RANBP17: variants seen among roughly 807,000 people sequenced by gnomAD.
The protein encoded by RANBP17 is RAN binding protein 17.
In RANBP17, 158 loss-of-function variants were observed where a neutral mutation model predicts 141.2. That is an observed-to-expected ratio of 1.12 (90% CI 0.98 to 1.28). The LOEUF (loss-of-function observed/expected upper bound fraction) is 1.28. Among genes scored for constraint, RANBP17 ranks in the 50% most tolerant of loss-of-function variants. The pLI, the probability that RANBP17 is intolerant of heterozygous loss-of-function variation, is 0.00. For missense variants in RANBP17, 1,438 were observed against 1,290.7 expected (o/e 1.11, Z -1.75); for synonymous variants, 430 against 450.0 (o/e 0.96, Z 0.56).
chr5:171,008,270 G>A (rs1434892014), intron 14 of RANBP17, among the ~76,000 whole-genome samples: 1 of 152,190 alleles, frequency 6.6e-6, no homozygotes, highest in Non-Finnish European at 1.5e-5. Context: ...TGAAAAGACC[G>A]CTTACTCGAA....
At chr5:171,176,121 C>T (rs1760469367) in intron 16 of RANBP17, among the ~76,000 whole-genome samples, 2 of 152,110 alleles carry the variant, frequency 1.3e-5, no homozygotes, top group African/African-American at 4.8e-5. Flanking sequence ...AAGATTATCC[C>T]CTTAAGTTCC....
chr5:170,897,398 G>A (rs1376700513), intron 5 of RANBP17: 1 of 416,896 alleles, frequency 2.4e-6, no homozygotes, highest in Non-Finnish European at 4.5e-6. Context: ...GTATGTGTAC[G>A]TACAACCATA....
chr5:171,115,724 G>T (rs1458856351), intron 14 of RANBP17, among the ~76,000 whole-genome samples: 3 of 152,154 alleles, frequency 2.0e-5, no homozygotes, highest in Non-Finnish European at 1.5e-5. Flanking sequence ...ACAGGAAAGG[G>T]GAAGTGGGAC....
rs964613707 is a variant in RANBP17, at chr5:170,919,469, A to G, written c.1130A>G (p.His377Arg). Residue 377 changes from histidine (H) to arginine (R), a missense_variant, in exon 11 of 28, where the codon CAT (histidine) becomes CGT (arginine). His to Arg is a conservative substitution (Grantham distance 29). Coordinates refer to ENST00000523189, the MANE Select transcript of RANBP17 (RefSeq NM_022897.5). The stretch of plus-strand genomic sequence containing the variant: ...TGGGAATTTGCTCCTAACAGTGTTC[A>G]TTATTTATTAACTCTGTGGCAAAGG... ...QHWEFAPNSV[H>R]YLLTLWQRMV... 1 of 1,603,120 alleles carries G rather than the reference A, an allele frequency of 6.2e-7. No homozygotes were observed. The highest frequency in any genetic ancestry group is 8.5e-7 in the Non-Finnish European group (1 of 1,176,484).
At chr5:171,194,436 C>T (rs1359937945) in intron 18 of RANBP17, among the ~76,000 whole-genome samples, 1 of 152,098 alleles carries the variant, frequency 6.6e-6, no homozygotes, top group African/African-American at 2.4e-5. Context: ...CTATTCTGGA[C>T]ATTAATATAA....
At chr5:171,157,838 G>C (rs1261878215) in intron 14 of RANBP17, among the ~76,000 whole-genome samples, 1 of 152,164 alleles carries the variant, frequency 6.6e-6, no homozygotes, top group East Asian at 1.9e-4. Flanking sequence ...ATTATCCTAA[G>C]GATACAAAAT....
At chr5:171,226,423 A>G (rs115918634) in intron 22 of RANBP17, among the ~76,000 whole-genome samples, 1,591 of 152,356 alleles carry the variant, frequency 0.01, 24 homozygotes, top group African/African-American at 0.036. Flanking sequence ...TAAAGATTCT[A>G]AACTTTAAAA....
At chr5:170,983,370 A>G (rs1777905374) in intron 14 of RANBP17, 1 of 235,020 alleles carries the variant, frequency 4.3e-6, no homozygotes, top group Non-Finnish European at 8.3e-6. Context: ...AACTAGTAAT[A>G]AATAGAATCA....
intron 14 of RANBP17, among the ~76,000 whole-genome samples, chr5:170,999,428 T>A (rs1241085445): frequency 1.3e-5 from 2 of 152,164 alleles, no homozygotes; most frequent in African/African-American, 4.8e-5. Context: ...AACTGAAACA[T>A]TAGGCTGAGT....
In RANBP17 at chr5:171,047,526, C is replaced by T. The variant is rs548766457; in HGVS notation, c.1710+79149C>T. Among the ~76,000 whole-genome samples, 52 of 151,536 alleles carry T rather than the reference C, an allele frequency of 3.4e-4. 1 individual carries two copies. The South Asian group carries it at 0.01, about 31-fold the overall frequency. ...ATCTCAGCTCACTGCAACCTCCCTCCACCTCCCGGGTTCAAGAGATTGTTC... is the reference window on the plus strand; with the variant it reads ...ATCTCAGCTCACTGCAACCTCCCTCTACCTCCCGGGTTCAAGAGATTGTTC... On this transcript the variant is annotated intron_variant, in intron 14 of 27. Coordinates refer to ENST00000523189, the MANE Select transcript of RANBP17 (RefSeq NM_022897.5).
chr5:171,262,866 A>G (rs189887929), intron 24 of RANBP17, among the ~76,000 whole-genome samples: 82 of 151,868 alleles, frequency 5.4e-4, no homozygotes, highest in African/African-American at 1.9e-3. Flanking sequence ...CCTCCATTCA[A>G]CCCCTCATCC....
At chr5:171,197,634 G>T (rs1037689108) in intron 18 of RANBP17, among the ~76,000 whole-genome samples, 1 of 152,124 alleles carries the variant, frequency 6.6e-6, no homozygotes, top group Non-Finnish European at 1.5e-5. Flanking sequence ...TTTAGTTCCC[G>T]CAGTAACCCT....
At chr5:171,139,276 T>G (rs1374849764) in intron 14 of RANBP17, among the ~76,000 whole-genome samples, 2 of 152,156 alleles carry the variant, frequency 1.3e-5, no homozygotes, top group African/African-American at 4.8e-5. Context: ...TCTTTTCTTA[T>G]TAAAATAATT....
chr5:171,113,900 C>T (rs1377725503), intron 14 of RANBP17, among the ~76,000 whole-genome samples: 1 of 152,094 alleles, frequency 6.6e-6, no homozygotes, highest in Non-Finnish European at 1.5e-5. Context: ...TATATCACAA[C>T]AGATTGAATG....
chr5:171,187,720 T>G (rs1042465745), intron 18 of RANBP17, among the ~76,000 whole-genome samples: 1 of 152,180 alleles, frequency 6.6e-6, no homozygotes, highest in African/African-American at 2.4e-5. Context: ...GTGAGAAGTA[T>G]TTACAGATAG....
chr5:171,129,418 T>G (rs377636406), intron 14 of RANBP17, among the ~76,000 whole-genome samples: 2 of 152,288 alleles, frequency 1.3e-5, no homozygotes, highest in East Asian at 1.9e-4. Flanking sequence ...AGAAAACGGC[T>G]TCCTCTTCCT....
intron 14 of RANBP17, among the ~76,000 whole-genome samples, chr5:170,978,464 A>G (rs1239878676): frequency 3.3e-5 from 5 of 152,160 alleles, no homozygotes; most frequent in African/African-American, 1.2e-4. Flanking sequence ...TCAGCAGTCA[A>G]ATGGATAAAT....
At chr5:170,869,409 C>T (rs2127316253) in intron 1 of RANBP17, among the ~76,000 whole-genome samples, 1 of 151,206 alleles carries the variant, frequency 6.6e-6, no homozygotes, top group African/African-American at 2.4e-5. Flanking sequence ...ACTGCCTCAG[C>T]CTACTGAGTA....
In RANBP17 at chr5:170,900,369, C is replaced by T. The variant is rs571439799; in HGVS notation, c.489+4254C>T. Among the ~76,000 whole-genome samples, 27 of 152,148 alleles carry T rather than the reference C, an allele frequency of 1.8e-4. No individual in the cohort carries two copies. The East Asian group carries it at 4.6e-3, about 26-fold the overall frequency. ...GGGTCAGTGGTGATCTCCCCTTTAT[C>T]GTTTTTTATTGTGTCTATTTGATTC... On this transcript the variant is annotated intron_variant, in intron 5 of 27. Transcript: ENST00000523189.
Sources: allele counts gnomAD v4.1 joint callset (sites outside exome capture counted in the v4.1 genomes callset), GRCh38; gene constraint gnomAD v4.1.1; transcripts MANE v1.5; gene names NCBI Gene and HGNC (gene_info 2026-07-23, HGNC 2026-07-21).